Variants in ARNT2 observed in about 807,000 individuals in gnomAD.
The protein encoded by ARNT2 is aryl hydrocarbon receptor nuclear translocator 2.
In ARNT2, 36 loss-of-function variants were observed where a neutral mutation model predicts 91.7. The ratio of observed to expected loss-of-function variants is 0.39; its 90% CI spans 0.30 to 0.52. The LOEUF (loss-of-function observed/expected upper bound fraction) is 0.52. Among genes scored for constraint, ARNT2 ranks in the 20% least tolerant of loss-of-function variants. The pLI is 0.72. For missense variants in ARNT2, 775 were observed against 939.3 expected (o/e 0.83, Z 2.29); for synonymous variants, 365 against 347.1 (o/e 1.05, Z -0.57).
chr15:80,521,986 G>A (rs1897554930), intron 8 of ARNT2, among the ~76,000 whole-genome samples: 1 of 152,128 alleles, frequency 6.6e-6, no homozygotes, highest in Non-Finnish European at 1.5e-5. Context: ...CTAGTAGACT[G>A]TACCTCTGAC....
chr15:80,551,180 C>T lies in ARNT2; in HGVS notation c.878-19C>T. ...CACCTTGGGCATATTGTTGATGACA[C>T]AGGTATTTCCCATTTCAGGAATGAC... On this transcript the variant is annotated intron_variant, in intron 8 of 18. Coordinates refer to ENST00000303329, the MANE Select transcript of ARNT2 (RefSeq NM_014862.4). 2 of 1,609,598 alleles carry T rather than the reference C, an allele frequency of 1.2e-6. No homozygotes were observed. The highest frequency in any genetic ancestry group is 1.7e-6 in the Non-Finnish European group (2 of 1,176,136).
intron 5 of ARNT2, among the ~76,000 whole-genome samples, chr15:80,480,910 A>G (rs1427602454): frequency 6.6e-6 from 1 of 152,124 alleles, no homozygotes; most frequent in Non-Finnish European, 1.5e-5. Flanking sequence ...GCATGGCTGT[A>G]GAAAGGTTAT....
At chr15:80,526,344 G>C (rs1897640761) in intron 8 of ARNT2, among the ~76,000 whole-genome samples, 1 of 152,238 alleles carries the variant, frequency 6.6e-6, no homozygotes, top group Non-Finnish European at 1.5e-5. Context: ...TGCGTTCAGA[G>C]TTCAAAGGAC....
rs1898102988 is a variant in ARNT2 at position 80,552,672 on chromosome 15, T to C, written c.987T>C (p.Asn329=). 1.9e-6 allele frequency: 3 copies of C among 1,614,152 alleles called. No homozygotes were observed. The highest frequency in any genetic ancestry group is 4.5e-5 in the East Asian group (2 of 44,884). ...GCTCTCCTGTATGCATGGACATGAA[T>C]GGGATGTCGGTGCCCACAGAGTTCT... is the stretch of plus-strand genomic sequence containing the variant. ...VTSSPVCMDM[N]GMSVPTEFLS... The change falls in exon 10 of 19, where the codon AAT becomes AAC. Residue 329 remains asparagine, a synonymous_variant. Coordinates refer to ENST00000303329, the MANE Select transcript of ARNT2 (RefSeq NM_014862.4).
Position 80,404,596 on chromosome 15 carries a change from C to T in ARNT2, c.31+50C>T, listed in dbSNP as rs1895569618. 1 of 1,036,592 alleles carries T rather than the reference C, an allele frequency of 9.6e-7. No homozygotes were observed. The allele number at this position is 1,036,592 out of a possible 1,614,324, so 64.2% of individuals were successfully genotyped here. ...GCCCGCCGCAGCCCGCAGGCCTTGCCCGGGGCCGGAGCGGACCAGGCGCGC... is the reference window on the plus strand; with the variant it reads ...GCCCGCCGCAGCCCGCAGGCCTTGCTCGGGGCCGGAGCGGACCAGGCGCGC... On this transcript the variant is annotated intron_variant, in intron 1 of 18. Transcript: ENST00000303329. This position sits in a 1 kb window ranked among gnomAD's most constrained non-coding sequence, Gnocchi z 5.5.
chr15:80,535,812 C>T (rs994629091), intron 8 of ARNT2, among the ~76,000 whole-genome samples: 2 of 151,662 alleles, frequency 1.3e-5, no homozygotes, highest in Admixed American at 6.6e-5. Flanking sequence ...TCATTACAAA[C>T]GCAGAGCTTT....
chr15:80,492,338 C>CAG lies in ARNT2; in HGVS notation c.623-15817_623-15816dup, dbSNP rs377430161. Among the ~76,000 whole-genome samples, 621 of 152,258 alleles carry CAG rather than the reference C, an allele frequency of 4.1e-3. 10 individuals are homozygous for CAG. The highest frequency in any genetic ancestry group is 0.014 in the African/African-American group (582 of 41,558). ...TGGGCATGAGCCACCATGCCTGGCT[C>CAG]AGTGTCTTGATTACTACAGCTTTAT... On this transcript the variant is annotated intron_variant, in intron 5 of 18. Coordinates refer to ENST00000303329, the MANE Select transcript of ARNT2 (RefSeq NM_014862.4).
At chr15:80,511,695 G>A (rs1007529980) in intron 6 of ARNT2, among the ~76,000 whole-genome samples, 10 of 152,062 alleles carry the variant, frequency 6.6e-5, no homozygotes, top group Non-Finnish European at 1.5e-4. Flanking sequence ...TCTCGTGGGA[G>A]GTGGGTATAG....
At chr15:80,583,546 GATA>G (rs1422190592) in intron 17 of ARNT2, among the ~76,000 whole-genome samples, 3 of 152,212 alleles carry the variant, frequency 2.0e-5, no homozygotes, top group Non-Finnish European at 4.4e-5. Flanking sequence ...ACACTCAGAT[GATA>G]ATAATAGTAA....
rs551235890 is a variant in ARNT2 at position 80,596,914 on chromosome 15, G to A, written c.*3216G>A. On this transcript the variant is annotated 3_prime_UTR_variant, in exon 19 of 19. Transcript: ENST00000303329. ...TGGCTCTAGAACACTCTGTCCATGC[G>A]TCACTCCCCCCAGTTTTATTTTTAG... 1.5e-3 allele frequency: 538 copies of A among 355,878 alleles called. 10 individuals are homozygous for A. The highest frequency in any genetic ancestry group is 9.9e-3 in the South Asian group (465 of 47,160). 22.0% of individuals were successfully genotyped at this position (355,878 alleles called of 1,614,324 possible). A position where few individuals can be genotyped will look rare whatever the true frequency, so the allele number is the denominator to read the frequency against.
At chr15:80,405,667 T>A (rs77446725) in intron 1 of ARNT2, among the ~76,000 whole-genome samples, 14 of 152,214 alleles carry the variant, frequency 9.2e-5, no homozygotes, top group African/African-American at 3.4e-4. Context: ...CAGAGGGGCA[T>A]TGCAGGCGTA....
At chr15:80,521,426 T>C (rs1897544023) in intron 8 of ARNT2, among the ~76,000 whole-genome samples, 1 of 152,138 alleles carries the variant, frequency 6.6e-6, no homozygotes, top group South Asian at 2.1e-4. Flanking sequence ...GTATCAACTA[T>C]ATATTTTTGT....
intron 1 of ARNT2, among the ~76,000 whole-genome samples, chr15:80,425,845 C>T (rs1895925173): frequency 6.6e-6 from 1 of 152,074 alleles, no homozygotes; most frequent in Non-Finnish European, 1.5e-5. Flanking sequence ...CCCAGGTGCT[C>T]GAGACCAGCC....
At chr15:80,528,730 GCACATGGTGGCTCCCCTTCACCTTC>G (rs1354409616) in intron 8 of ARNT2, among the ~76,000 whole-genome samples, 1 of 152,134 alleles carries the variant, frequency 6.6e-6, no homozygotes, top group Non-Finnish European at 1.5e-5. Flanking sequence ...TGTGATCTCT[GCACATGGTGGCTCCCCTTCACCTTC>G]CACCAGAGTA....
chr15:80,507,969 T>C (rs553024920), intron 5 of ARNT2, among the ~76,000 whole-genome samples, 187 bp from the exon 6 acceptor site: 1 of 152,306 alleles, frequency 6.6e-6, no homozygotes, highest in East Asian at 1.9e-4. Flanking sequence ...CATTTTGAAC[T>C]GTATGGATTT....
chr15:80,519,177 A>G (rs1897491922), intron 8 of ARNT2, among the ~76,000 whole-genome samples: 1 of 152,234 alleles, frequency 6.6e-6, no homozygotes, highest in South Asian at 2.1e-4. Flanking sequence ...GAAAATGACC[A>G]CGGCAAGTCT....
chr15:80,463,261 G>A (rs1448871961), intron 3 of ARNT2, among the ~76,000 whole-genome samples: 1 of 152,200 alleles, frequency 6.6e-6, no homozygotes. Context: ...GGGACACACT[G>A]GATGGGTACG....
intron 8 of ARNT2, among the ~76,000 whole-genome samples, chr15:80,545,937 G>T (rs1897982716): frequency 1.3e-5 from 2 of 152,200 alleles, no homozygotes; most frequent in Admixed American, 1.3e-4. Context: ...GACTTCCAGA[G>T]TGGAAGCTAG....
rs144086559 is a variant in ARNT2, at chr15:80,506,735, G to A, written c.623-1421G>A. 5.8e-3 allele frequency among the ~76,000 whole-genome samples: 877 copies of A among 152,272 alleles called. 4 individuals carry two copies. The highest frequency in any genetic ancestry group is 8.0e-3 in the Non-Finnish European group (545 of 68,008). ...GTAAGAGGTGGTGAAGTGGAAAGTC[G>A]CCAAGGGTCCCTGGGAGAGAGTGAG... On this transcript the variant is annotated intron_variant, in intron 5 of 18. Transcript: ENST00000303329.
Sources: allele counts gnomAD v4.1 joint callset (sites outside exome capture counted in the v4.1 genomes callset), GRCh38; gene constraint gnomAD v4.1.1; non-coding constraint Gnocchi (gnomAD v3.1); transcripts MANE v1.5; gene names NCBI Gene and HGNC (gene_info 2026-07-23, HGNC 2026-07-21).